The following PLA2G5 variants were observed in gnomAD, a reference collection of about 807,000 sequenced individuals.
The protein encoded by PLA2G5 is Ca2+-dependent phospholipase A2.
A neutral mutation model predicts 15.9 loss-of-function variants in PLA2G5; 12 were observed. The observed-to-expected ratio is 0.76, with a 90% confidence interval of 0.48 to 1.23. PLA2G5 has a LOEUF of 1.23. Among genes scored for constraint, PLA2G5 ranks in the 50% most tolerant of loss-of-function variants. The pLI, the probability that PLA2G5 is intolerant of heterozygous loss-of-function variation, is 0.00. For synonymous variants in PLA2G5, 71 were observed against 71.4 expected, an observed-to-expected ratio of 0.99 and a Z score of 0.03; for missense variants, 169 against 177.1, an observed-to-expected ratio of 0.95 and a Z score of 0.26.
At chr1:20,068,436 A>C (rs1036863365), upstream of PLA2G5, among the ~76,000 whole-genome samples, 2 of 151,872 alleles carry the variant, frequency 1.3e-5, no homozygotes, top group Non-Finnish European at 2.9e-5. Flanking sequence ...TATGGCATGA[A>C]AGTTAAAAGT....
At chr1:20,090,223 C>T (rs2016500949) in intron 4 of PLA2G5, among the ~76,000 whole-genome samples, 1 of 152,198 alleles carries the variant, frequency 6.6e-6, no homozygotes, top group Non-Finnish European at 1.5e-5. Flanking sequence ...AGCTCAGGGC[C>T]TCTGAGTTCA....
intron 1 of PLA2G5, among the ~76,000 whole-genome samples, chr1:20,057,333 A>C (rs191469068): frequency 4.8e-5 from 7 of 146,908 alleles, no homozygotes; most frequent in African/African-American, 1.0e-4. Context: ...TTTTTTTTCT[A>C]ATGTGTGTGT....
intron 1 of PLA2G5, among the ~76,000 whole-genome samples, chr1:20,074,157 G>A (rs1035145712): frequency 2.0e-5 from 3 of 152,158 alleles, no homozygotes; most frequent in African/African-American, 4.8e-5. Flanking sequence ...CTAGGCAGGG[G>A]GAGCAGGAAA....
intron 1 of PLA2G5, among the ~76,000 whole-genome samples, chr1:20,048,654 A>G (rs1406703368): frequency 6.6e-6 from 1 of 152,210 alleles, no homozygotes; most frequent in Non-Finnish European, 1.5e-5. Context: ...GCCTATGCCC[A>G]GGTATGAACA....
rs1021733832 is a variant in PLA2G5 at position 20,049,781 on chromosome 1, A to G, written n.277-9851A>G. On this transcript the variant is annotated intron_variant and non_coding_transcript_variant, in intron 1 of 6. Coordinates refer to the PLA2G5 transcript ENST00000460175. Reference sequence around the variant, plus strand: ...ATTACCCAGTCTCAGGTATGTCTTTATTGCCAGCATGAGAACAGATGAATA... The same window carrying G: ...ATTACCCAGTCTCAGGTATGTCTTTGTTGCCAGCATGAGAACAGATGAATA... Among the ~76,000 whole-genome samples the G allele has an allele frequency of 3.3e-5, 5 of 152,170 alleles. No individual in the cohort carries two copies. The East Asian group carries it at 5.8e-4, about 18-fold the overall frequency.
At chr1:20,088,669 A>G (rs1038317426) in intron 3 of PLA2G5, among the ~76,000 whole-genome samples, 1 of 152,176 alleles carries the variant, frequency 6.6e-6, no homozygotes, top group Non-Finnish European at 1.5e-5. Flanking sequence ...GCAATCTGCT[A>G]CACCTAACAT....
intron 3 of PLA2G5, among the ~76,000 whole-genome samples, chr1:20,088,283 G>A (rs938122530): frequency 6.6e-6 from 1 of 151,452 alleles, no homozygotes; most frequent in Non-Finnish European, 1.5e-5. Context: ...CTTGAACCTG[G>A]GAGGCAGAGG....
intron 1 of PLA2G5, among the ~76,000 whole-genome samples, chr1:20,042,400 A>C (rs1446725648): frequency 6.6e-6 from 1 of 152,098 alleles, no homozygotes; most frequent in African/African-American, 2.4e-5. Flanking sequence ...TATTAGGAAT[A>C]ATGTGGGGGC....
At chr1:20,029,831 G>T (rs2012817311) in intron 1 of PLA2G5, among the ~76,000 whole-genome samples, 1 of 152,216 alleles carries the variant, frequency 6.6e-6, no homozygotes, top group Non-Finnish European at 1.5e-5. Flanking sequence ...AATGTCTGGA[G>T]ATTGAAACAC....
In PLA2G5 at chr1:20,086,251, C is replaced by A. The variant is rs374665357; in HGVS notation, c.185+24C>A. The A allele has an allele frequency of 4.5e-4, 729 of 1,612,460 alleles. 1 individual carries two copies. Among genetic ancestry groups the A allele is most frequent in the Non-Finnish European group, 6.0e-4 (710 of 1,178,650 alleles). ...TGGTGAGCTGATCGCTATAACTGCCCTTTAGGCTCCAGGCTCTGCACCCAT... is the reference window on the plus strand; with the variant it reads ...TGGTGAGCTGATCGCTATAACTGCCATTTAGGCTCCAGGCTCTGCACCCAT... On this transcript the variant is annotated intron_variant, in intron 3 of 4. Coordinates refer to ENST00000375108, the MANE Select transcript of PLA2G5 (RefSeq NM_000929.3).
At chr1:20,066,059 T>C (rs2015009638), upstream of PLA2G5, 1 of 152,250 alleles carries the variant, frequency 6.6e-6, no homozygotes. Flanking sequence ...TGGCATTGAA[T>C]GAGAGTCCCT....
At chr1:20,082,652 G>A (rs944993588) in intron 1 of PLA2G5, among the ~76,000 whole-genome samples, 1 of 151,864 alleles carries the variant, frequency 6.6e-6, no homozygotes, top group East Asian at 1.9e-4. Flanking sequence ...CCCTGCTCCT[G>A]TCTGACCAGC....
At chr1:20,056,416 A>C (rs1167903462) in intron 1 of PLA2G5, among the ~76,000 whole-genome samples, 1 of 152,066 alleles carries the variant, frequency 6.6e-6, no homozygotes, top group African/African-American at 2.4e-5. Context: ...GAGAGTTTTA[A>C]ATCATGAATA....
intron 1 of PLA2G5, among the ~76,000 whole-genome samples, chr1:20,081,263 C>A (rs2016003824): frequency 6.6e-6 from 1 of 151,842 alleles, no homozygotes; most frequent in African/African-American, 2.4e-5. Context: ...TTGGGCTCTG[C>A]TGAGTGGATG....
At chr1:20,081,112 A>G in intron 1 of PLA2G5, among the ~76,000 whole-genome samples, 1 of 151,234 alleles carries the variant, frequency 6.6e-6, no homozygotes, top group East Asian at 2.0e-4. Context: ...ACATCTTCCT[A>G]TGGGCTGTCC....
chr1:20,079,241 A>G (rs1311625945), intron 1 of PLA2G5, among the ~76,000 whole-genome samples: 1 of 152,158 alleles, frequency 6.6e-6, no homozygotes, highest in Non-Finnish European at 1.5e-5. Flanking sequence ...CTGTGAGAAC[A>G]TTCTAGAAGG....
chr1:20,043,726 C>CAAG, intron 1 of PLA2G5, among the ~76,000 whole-genome samples: 1 of 152,234 alleles, frequency 6.6e-6, no homozygotes, highest in East Asian at 1.9e-4. Context: ...CAAGTTGGCA[C>CAAG]AAGAGTGGGG....
At chr1:20,047,171 A>C (rs35544634) in intron 1 of PLA2G5, among the ~76,000 whole-genome samples, 9,001 of 152,244 alleles carry the variant, frequency 0.059, 476 homozygotes, top group East Asian at 0.25. Context: ...AACTCATATA[A>C]GGGCTGATTG....
At chr1:20,075,364 C>T (rs2100559374) in intron 1 of PLA2G5, among the ~76,000 whole-genome samples, 1 of 152,324 alleles carries the variant, frequency 6.6e-6, no homozygotes, top group South Asian at 2.1e-4. Context: ...AAGAAAGTTT[C>T]TGAGCAGTCA....
Sources: allele counts gnomAD v4.1 joint callset (sites outside exome capture counted in the v4.1 genomes callset), GRCh38; gene constraint gnomAD v4.1.1; transcripts MANE v1.5; gene names NCBI Gene and HGNC (gene_info 2026-07-23, HGNC 2026-07-21).